The following ATG10 variants were observed in gnomAD, a reference collection of about 807,000 sequenced individuals.
The protein encoded by ATG10 is autophagy related 10.
Under a neutral mutation model 32.1 loss-of-function variants are expected in ATG10, and 30 were observed. The ratio of observed to expected loss-of-function variants is 0.94; its 90% CI spans 0.70 to 1.27. ATG10 has a LOEUF of 1.27. ATG10 is among the 50% of genes most tolerant of loss of function. The pLI is 0.00. For missense variants in ATG10, 233 were observed against 262.3 expected, an observed-to-expected ratio of 0.89 and a Z score of 0.77; for synonymous variants, 87 against 91.5, an observed-to-expected ratio of 0.95 and a Z score of 0.28.
rs77349086 is a variant in ATG10 at position 82,121,941 on chromosome 5, G to GTTTTTTTTTTTTTTTTTT, written c.217-42456_217-42439dup. ...GATTTTGCATCAATATTGGCCTGAA[G>GTTTTTTTTTTTTTTTTTT]TTTTTTTTTTTTTTTTTTTATGTCT... On this transcript the variant is annotated intron_variant, in intron 3 of 7. Coordinates refer to ENST00000282185, the MANE Select transcript of ATG10 (RefSeq NM_031482.5). Among the ~76,000 whole-genome samples the GTTTTTTTTTTTTTTTTTT allele has an allele frequency of 4.8e-3, 582 of 120,852 alleles. 9 individuals carry two copies. The highest frequency in any genetic ancestry group is 8.9e-3 in the Middle Eastern group (2 of 224). The allele number at this position is 120,852 out of a possible 152,430, so 79.3% of individuals were successfully genotyped here.
chr5:82,080,232 G>C (rs1380519771), intron 3 of ATG10, among the ~76,000 whole-genome samples: 1 of 152,040 alleles, frequency 6.6e-6, no homozygotes, highest in Admixed American at 6.5e-5. Flanking sequence ...TTGTAAATTT[G>C]TTTGAGTTCT....
intron 5 of ATG10, among the ~76,000 whole-genome samples, chr5:82,240,210 A>G (rs562613203): frequency 1.3e-5 from 2 of 152,350 alleles, no homozygotes; most frequent in African/African-American, 2.4e-5. Flanking sequence ...TGAAAGAGAT[A>G]TCTGCACTCC....
intron 3 of ATG10, among the ~76,000 whole-genome samples, chr5:82,141,096 C>T (rs1332954369): frequency 2.3e-5 from 3 of 132,408 alleles, no homozygotes; most frequent in Admixed American, 7.7e-5. Flanking sequence ...CGGAAGGCCG[C>T]AGGGTCCTCT....
chr5:82,017,636 G>T (rs1229218466), intron 2 of ATG10, among the ~76,000 whole-genome samples: 3 of 152,106 alleles, frequency 2.0e-5, no homozygotes, highest in Non-Finnish European at 4.4e-5. Flanking sequence ...TCTGTCAAAT[G>T]CTTAACAAAA....
intron 3 of ATG10, among the ~76,000 whole-genome samples, chr5:82,143,283 G>T (rs1376483623): frequency 1.3e-5 from 2 of 152,266 alleles, no homozygotes; most frequent in Non-Finnish European, 2.9e-5. Context: ...GAAAGTCAGA[G>T]ATGTGAGGAT....
intron 3 of ATG10, among the ~76,000 whole-genome samples, chr5:82,127,118 G>C (rs1228980543): frequency 6.6e-6 from 1 of 152,072 alleles, no homozygotes; most frequent in Admixed American, 6.6e-5. Context: ...CTGTGGGATT[G>C]GTGGTGATCT....
At chr5:82,085,919 T>A (rs535298584) in intron 3 of ATG10, among the ~76,000 whole-genome samples, 1 of 152,176 alleles carries the variant, frequency 6.6e-6, no homozygotes, top group Non-Finnish European at 1.5e-5. Flanking sequence ...TGTGAATTGA[T>A]TGTGGGTTTA....
chr5:82,109,691 A>T lies in ATG10; in HGVS notation c.216+51089A>T, dbSNP rs564649774. On this transcript the variant is annotated intron_variant, in intron 3 of 7. Transcript: ENST00000282185. ...CCCTCAAATAACCACAATACATTAG[A>T]TAACCAGAAATAGAATTTTCTTCCC... 1.3e-4 allele frequency among the ~76,000 whole-genome samples: 20 copies of T among 151,934 alleles called. No homozygotes were observed. In the South Asian group the frequency reaches 4.2e-3, roughly 32 times the overall value.
At chr5:82,067,906 A>G (rs1319739425) in intron 3 of ATG10, among the ~76,000 whole-genome samples, 1 of 152,146 alleles carries the variant, frequency 6.6e-6, no homozygotes, top group East Asian at 1.9e-4. Flanking sequence ...AAAAATCAAA[A>G]GTAAGATCAT....
At chr5:82,047,115 G>A (rs1235364199) in intron 2 of ATG10, among the ~76,000 whole-genome samples, 1 of 151,110 alleles carries the variant, frequency 6.6e-6, no homozygotes, top group Non-Finnish European at 1.5e-5. Flanking sequence ...AACAAAGAGA[G>A]AAAAAAAATA....
At chr5:82,157,208 C>T (rs906988000) in intron 3 of ATG10, among the ~76,000 whole-genome samples, 6 of 152,084 alleles carry the variant, frequency 3.9e-5, no homozygotes, top group Admixed American at 2.0e-4. Flanking sequence ...GTTGATGTAG[C>T]AGGGAGAGTA....
intron 4 of ATG10, among the ~76,000 whole-genome samples, chr5:82,165,332 C>T (rs1166427858): frequency 6.6e-6 from 1 of 152,224 alleles, no homozygotes; most frequent in Non-Finnish European, 1.5e-5. Flanking sequence ...GAACAGCCTT[C>T]TGACTTTTTT....
At chr5:82,094,991 G>C (rs72776869) in intron 3 of ATG10, among the ~76,000 whole-genome samples, 12,304 of 152,126 alleles carry the variant, frequency 0.081, 740 homozygotes, top group African/African-American at 0.17. Context: ...AGTAGAATTA[G>C]AGGTGATTTT....
chr5:82,103,495 T>C (rs186716258), intron 3 of ATG10, among the ~76,000 whole-genome samples: 1 of 152,268 alleles, frequency 6.6e-6, no homozygotes, highest in Admixed American at 6.5e-5. Context: ...TTCTACCACT[T>C]ACCTGGGGCT....
rs202020707 is a variant in ATG10, at chr5:81,975,301, GAGA to G, written c.-13+3000_-13+3002del. Reference sequence around the variant, plus strand: ...CTTTACTTAAAAATTTGATTACTTTGAGAAGAATGTGTATTCTGAAAAATAAAA... The same window carrying G: ...CTTTACTTAAAAATTTGATTACTTTGAGAATGTGTATTCTGAAAAATAAAA... On this transcript the variant is annotated intron_variant, in intron 1 of 7. Coordinates refer to ENST00000282185, the MANE Select transcript of ATG10 (RefSeq NM_031482.5). Among the ~76,000 whole-genome samples, 36 of 152,148 alleles carry G rather than the reference GAGA, an allele frequency of 2.4e-4. No individual in the cohort carries two copies. The East Asian group carries it at 5.0e-3, about 21-fold the overall frequency.
chr5:82,047,183 T>A (rs1457450337), intron 2 of ATG10, among the ~76,000 whole-genome samples: 2 of 152,210 alleles, frequency 1.3e-5, no homozygotes, highest in East Asian at 3.9e-4. Flanking sequence ...CCGTTGGCCA[T>A]TCCCCTGGCA....
At chr5:82,009,710 G>C (rs1762076636) in intron 2 of ATG10, 12 of 1,589,244 alleles carry the variant, frequency 7.6e-6, no homozygotes, top group Non-Finnish European at 1.0e-5. Flanking sequence ...CTTTGCCACA[G>C]ATCACATGCA....
intron 3 of ATG10, among the ~76,000 whole-genome samples, chr5:82,101,786 A>G (rs1200235023): frequency 6.6e-6 from 1 of 152,186 alleles, no homozygotes; most frequent in African/African-American, 2.4e-5. Context: ...TTTTTCCAAT[A>G]CTATGTGCCA....
chr5:82,063,727 G>C (rs1333256955), intron 3 of ATG10, among the ~76,000 whole-genome samples: 2 of 151,980 alleles, frequency 1.3e-5, no homozygotes, highest in Admixed American at 6.6e-5. Flanking sequence ...CCTGATCTGA[G>C]GTGATCTGCC....
Sources: gnomAD v4.1 joint callset for allele counts (sites outside exome capture counted in the v4.1 genomes callset) on GRCh38, gnomAD v4.1.1 for gene constraint, MANE v1.5 for transcripts, NCBI Gene and HGNC (gene_info 2026-07-23, HGNC 2026-07-21) for gene names.